NBPF12: variants seen among roughly 807,000 people sequenced by gnomAD.
NBPF12 encodes NBPF family member NBPF12.
NBPF12 carries 115 observed loss-of-function variants against 146.4 expected under a neutral mutation model. That is an observed-to-expected ratio of 0.79 (90% CI 0.68 to 0.92). NBPF12 has a LOEUF of 0.92. Ranked by LOEUF, NBPF12 falls within the 40% of genes least tolerant of loss-of-function variation. The probability of loss-of-function intolerance (pLI) is 0.00; values close to 1 mark genes in which losing one functional copy is unlikely to be tolerated. For synonymous variants in NBPF12, 385 were observed against 508.9 expected (o/e 0.76, Z 3.28); for missense variants, 1,205 against 1,326.8 (o/e 0.91, Z 1.43).
At chr1:146,960,864 G>C (rs1217800569) in intron 4 of NBPF12, among the ~76,000 whole-genome samples, 3 of 152,074 alleles carry the variant, frequency 2.0e-5, no homozygotes, top group Non-Finnish European at 4.4e-5. Flanking sequence ...GCAGGGAGTA[G>C]GGGCCGTGCA....
At chr1:146,970,688 G>T (rs1260241608) in exon 12 of NBPF12, 5 of 1,428,438 alleles carry the variant, frequency 3.5e-6, no homozygotes, top group Admixed American at 1.7e-5. Context: ...AGTTGAGGAG[G>T]ATGAGAAAGT....
intron 2 of NBPF12, among the ~76,000 whole-genome samples, chr1:146,953,865 T>C (rs1655435043): frequency 6.6e-6 from 1 of 151,962 alleles, no homozygotes; most frequent in Non-Finnish European, 1.5e-5. Flanking sequence ...TAATAAAGTA[T>C]TGAAAGAATT....
At position 146,965,072 on chromosome 1, in the gene NBPF12, A is replaced by G. The variant is rs1176579531; in HGVS notation, c.746A>G (p.Asp249Gly). 38 of 1,603,918 alleles carry G rather than the reference A, an allele frequency of 2.4e-5. 2 individuals are homozygous for G. Among genetic ancestry groups the G allele is most frequent in the Non-Finnish European group, 2.7e-5 (32 of 1,174,336 alleles). Residue 249 changes from aspartate to glycine, a missense_variant, in exon 8 of 34, where the codon GAT becomes GGT. Physicochemically the swap from Asp to Gly is moderately conservative, Grantham distance 94 (BLOSUM62 -1). This residue lies in a region of NBPF12 where 325 missense variants were observed against 236.6 expected (regional missense o/e 1.37). Transcript: ENST00000617844. Reference sequence around the variant, plus strand: ...GTTGTAGACAGAAAATCCTCTCATGATGAATGTCAGGATGCTCTAAACATT... The same window carrying G: ...GTTGTAGACAGAAAATCCTCTCATGGTGAATGTCAGGATGCTCTAAACATT...
intron 12 of NBPF12, 37 bp downstream of exon 15, chr1:146,970,756 A>T: frequency 7.7e-7 from 1 of 1,291,046 alleles, no homozygotes; most frequent in Non-Finnish European, 1.1e-6. Context: ...AATGGGTGTT[A>T]ACATATGAAA....
exon 34 of NBPF12, chr1:146,996,068 A>G (rs1243865910): frequency 7.2e-6 from 1 of 139,034 alleles, no homozygotes; most frequent in Admixed American, 7.5e-5. Context: ...ATTTTAATCT[A>G]TACAATTAAA....
chr1:146,981,193 A>T (rs1326121521), intron 19 of NBPF12, among the ~76,000 whole-genome samples: 2 of 137,418 alleles, frequency 1.5e-5, no homozygotes, highest in Non-Finnish European at 3.1e-5. Flanking sequence ...TGATGAGTTA[A>T]TGGGTGAAGC....
chr1:146,941,323 G>C (rs1409317261), intron 1 of NBPF12, among the ~76,000 whole-genome samples: 3 of 151,908 alleles, frequency 2.0e-5, no homozygotes, highest in African/African-American at 7.3e-5. Context: ...GGGCTCAAGT[G>C]ATACACCTGC....
chr1:146,961,059 G>T (rs1429851333), intron 4 of NBPF12, among the ~76,000 whole-genome samples: 3 of 152,126 alleles, frequency 2.0e-5, no homozygotes, highest in South Asian at 2.1e-4. Context: ...GGCAGAAGAA[G>T]CCTTTGAACC....
Position 146,940,362 on chromosome 1 carries a change from G to A in NBPF12, c.-822+1380G>A, listed in dbSNP as rs1287012840. ...ATCACACCTGTAATTCCAGCATTTC[G>A]GGAGGCCAAGGTGGGCGGATCACTT... On this transcript the variant is annotated intron_variant, in intron 1 of 35. Transcript: ENST00000617931. Among the ~76,000 whole-genome samples, 30 of 151,882 alleles carry A rather than the reference G, an allele frequency of 2.0e-4. 1 individual carries two copies. Among genetic ancestry groups the A allele is most frequent in the African/African-American group, 5.3e-4 (22 of 41,386 alleles).
At position 146,954,430 on chromosome 1, in the gene NBPF12, T is replaced by C. The variant is rs1271121076; in HGVS notation, c.-184+2941T>C. Among the ~76,000 whole-genome samples the C allele has an allele frequency of 3.5e-3, 460 of 130,538 alleles. 1 individual carries two copies. The highest frequency in any genetic ancestry group is 0.012 in the African/African-American group (431 of 36,270). 85.6% of individuals were successfully genotyped at this position (130,538 alleles called of 152,430 possible). ...AAAAAAAAAGGAAAGTCAACAAAAT[T>C]TATGTAAGGCCAGTACACCAAAAAC... On this transcript the variant is annotated intron_variant, in intron 2 of 33. Transcript: ENST00000617844.
intron 19 of NBPF12, among the ~76,000 whole-genome samples, chr1:146,981,288 A>ATATATAT (rs1347440975): frequency 5.6e-5 from 6 of 107,374 alleles, no homozygotes; most frequent in African/African-American, 1.6e-4. Flanking sequence ...AAAAAAAAAA[A>ATATATAT]AAAAAAATAT....
chr1:146,989,574 G>T (rs1238463270), exon 28 of NBPF12: 1 of 1,522,238 alleles, frequency 6.6e-7, no homozygotes, highest in Non-Finnish European at 9.1e-7. Context: ...CACTTTCCAG[G>T]CTCAGCAGGG....
chr1:146,985,963 A>G (rs1657728457), intron 23 of NBPF12, among the ~76,000 whole-genome samples: 2 of 151,176 alleles, frequency 1.3e-5, no homozygotes, highest in East Asian at 1.9e-4. Flanking sequence ...TAGGTTGACC[A>G]TACCTCAAAG....
chr1:146,964,958 G>T, exon 8 of NBPF12: 1 of 1,608,196 alleles, frequency 6.2e-7, no homozygotes, highest in Non-Finnish European at 8.5e-7. Flanking sequence ...GCCATCACTT[G>T]TTCAAATAGC....
chr1:146,994,242 C>A (rs1553889952), intron 33 of NBPF12, 90 bp from the exon 37 acceptor site: 3 of 1,608,916 alleles, frequency 1.9e-6, no homozygotes, highest in South Asian at 1.1e-5. Context: ...TCTTTTCTAA[C>A]CACTTCCTTA....
chr1:146,987,368 AT>A (rs1465747006), intron 25 of NBPF12, 83 bp downstream of exon 28: 1 of 790,224 alleles, frequency 1.3e-6, no homozygotes, highest in Admixed American at 1.8e-5. Context: ...GGCTGACATT[AT>A]CGATTACATC....
intron 18 of NBPF12, among the ~76,000 whole-genome samples, chr1:146,978,733 G>T (rs1432182457): frequency 7.2e-6 from 1 of 139,852 alleles, no homozygotes; most frequent in Non-Finnish European, 1.5e-5. Context: ...CAGGGAATAT[G>T]GCATTATGGT....
chr1:146,961,044 G>T (rs1655815398), intron 4 of NBPF12, among the ~76,000 whole-genome samples: 2 of 152,018 alleles, frequency 1.3e-5, no homozygotes, highest in Non-Finnish European at 2.9e-5. Context: ...TAATCGGGTG[G>T]CTGAGGCAGA....
rs1412924910 is a variant in NBPF12, at chr1:146,959,514, C to G, written c.-183-345C>G. Among the ~76,000 whole-genome samples the G allele has an allele frequency of 8.0e-5, 5 of 62,716 alleles. 1 individual carries two copies. The highest frequency in any genetic ancestry group is 1.8e-4 in the African/African-American group (3 of 16,234). The allele number at this position is 62,716 out of a possible 152,430, so 41.1% of individuals were successfully genotyped here. A position where few individuals can be genotyped will look rare whatever the true frequency, so the allele number is the denominator to read the frequency against. On this transcript the variant is annotated intron_variant, in intron 2 of 33. Transcript: ENST00000617844. ...AAAAAAAAAAAAAAAAAAGTCAAAACAAGAGAACATACTAAATGATTCCAT... is the reference window on the plus strand; with the variant it reads ...AAAAAAAAAAAAAAAAAAGTCAAAAGAAGAGAACATACTAAATGATTCCAT...
Sources: gnomAD v4.1 joint callset for allele counts (sites outside exome capture counted in the v4.1 genomes callset) on GRCh38, gnomAD v4.1.1 for gene constraint, gnomAD v4.1.1 regional missense constraint, MANE v1.5 for transcripts, NCBI Gene and HGNC (gene_info 2026-07-23, HGNC 2026-07-21) for gene names.